RBSN: variants seen among roughly 807,000 people sequenced by gnomAD.
RBSN encodes rabenosyn-5.
A neutral mutation model predicts 60.5 loss-of-function variants in RBSN; 34 were observed. The ratio of observed to expected loss-of-function variants is 0.56; its 90% confidence interval spans 0.43 to 0.75. RBSN has a LOEUF of 0.75. Among genes scored for constraint, RBSN ranks in the 30% least tolerant of loss-of-function variants. RBSN has a pLI of 0.00. For synonymous variants in RBSN, 322 were observed against 366.9 expected (o/e 0.88, Z 1.40); for missense variants, 845 against 986.8 (o/e 0.86, Z 1.92).
At position 15,074,988 on chromosome 3, in the gene RBSN, C is replaced by A. The variant is rs570853784; in HGVS notation, c.1207-58G>T. On this transcript the variant is annotated intron_variant, in intron 13 of 13. Coordinates refer to ENST00000253699, the MANE Select transcript of RBSN (RefSeq NM_022340.4). This position sits in a 1 kb window ranked among gnomAD's most constrained non-coding sequence, Gnocchi z 6.4. ...GTCACTATGCTGGCAGCAGCCCACA[C>A]TGTCACCCACCCTCTGTTGTCCCTC... 6.5e-7 allele frequency: 1 copy of A among 1,533,682 alleles called. No homozygotes were observed. The highest frequency in any genetic ancestry group is 1.3e-5 in the South Asian group (1 of 79,802).
chr3:15,078,107 C>G lies in RBSN; in HGVS notation c.966G>C (p.Val322=), dbSNP rs1206779359. 6.2e-7 allele frequency: 1 copy of G among 1,614,152 alleles called. No individual in the cohort carries two copies. Among genetic ancestry groups the G allele is most frequent in the Admixed American group, 1.7e-5 (1 of 60,010 alleles). Residue 322 remains valine, a synonymous_variant, in exon 11 of 14, where the codon GTG becomes GTC. Coordinates refer to ENST00000253699, the MANE Select transcript of RBSN (RefSeq NM_022340.4). ...CGTCTATCAGCTCATACACTTTCTG[C>G]ACTTCCACTCGAAGGTCACTGGCAT... The part of the protein sequence containing the change: ...LEHASDLRVE[V]QKVYELIDAL...
intron 5 of RBSN, among the ~76,000 whole-genome samples, chr3:15,087,748 G>A (rs1388079297): frequency 1.3e-5 from 2 of 152,108 alleles, no homozygotes; most frequent in African/African-American, 4.8e-5. Flanking sequence ...AGCCTCCCAA[G>A]TAACTTGGAT....
In RBSN at chr3:15,080,730, A is replaced by G. The variant is rs1385428277; in HGVS notation, c.911+2T>C. The G allele has an allele frequency of 6.2e-7, 1 of 1,613,782 alleles. No individual in the cohort carries two copies. Among genetic ancestry groups the G allele is most frequent in the African/African-American group, 1.3e-5 (1 of 74,926 alleles). On this transcript the variant is annotated splice_donor_variant, in intron 10 of 13. Transcript: ENST00000253699. LOFTEE classifies it high-confidence loss of function. ...TTAGAAAAACATAGATGAATAGCTT[A>G]CTTTAATGATGCTGCCATCCTGATG...
intron 6 of RBSN, among the ~76,000 whole-genome samples, chr3:15,085,623 T>C (rs960400512): frequency 6.6e-6 from 1 of 152,190 alleles, no homozygotes; most frequent in Non-Finnish European, 1.5e-5. Context: ...GTGGGATTCA[T>C]AGGTGGGAAA....
At chr3:15,094,254 G>A (rs891714096) in intron 4 of RBSN, among the ~76,000 whole-genome samples, 1 of 152,184 alleles carries the variant, frequency 6.6e-6, no homozygotes, top group African/African-American at 2.4e-5. Flanking sequence ...AATGATGGAA[G>A]CTCTTCGGTT....
rs371273551 is a variant in RBSN at position 15,082,352 on chromosome 3, G to A, written c.840+15C>T. On this transcript the variant is annotated intron_variant, in intron 9 of 13. Coordinates refer to ENST00000253699, the MANE Select transcript of RBSN (RefSeq NM_022340.4). The surrounding 1 kb of genome is among the most constrained non-coding windows in gnomAD (Gnocchi z 4.2). The stretch of plus-strand genomic sequence containing the variant: ...GCCTAAGAAATTAGACCCAAGACCA[G>A]ACAGCGCGAATCACCTCGTAGAGCT... The A allele has an allele frequency of 7.5e-6, 12 of 1,603,424 alleles. No homozygotes were observed. The African/African-American group carries it at 9.4e-5, about 13-fold the overall frequency.
At chr3:15,081,860 G>A (rs2125164809) in intron 9 of RBSN, among the ~76,000 whole-genome samples, 1 of 152,300 alleles carries the variant, frequency 6.6e-6, no homozygotes, top group African/African-American at 2.4e-5. Flanking sequence ...TATGCATCTA[G>A]TAGGGGGGCT....
At chr3:15,083,096 A>G (rs533505769) in intron 8 of RBSN, among the ~76,000 whole-genome samples, 2 of 152,288 alleles carry the variant, frequency 1.3e-5, no homozygotes, top group East Asian at 3.9e-4. Context: ...CTAGGAACCT[A>G]TGACTCTTTG....
In RBSN at chr3:15,084,741, A is replaced by G. The variant is rs1327109540; in HGVS notation, c.592T>C (p.Leu198=). Residue 198 remains leucine, a synonymous_variant, in exon 8 of 14, where the codon TTG becomes CTG. Transcript: ENST00000253699. This position sits in a 1 kb window ranked among gnomAD's most constrained non-coding sequence, Gnocchi z 4.2. ...KKCMELISLP[L]ANKLTSASKE... ...CCACCTCCAAGTCACCTACTTGCCA[A>G]GGGAAGGCTGATGAGCTCCATACAC... The G allele has an allele frequency of 6.3e-7, 1 of 1,591,252 alleles. No individual in the cohort carries two copies. Among genetic ancestry groups the G allele is most frequent in the Non-Finnish European group, 8.5e-7 (1 of 1,169,688 alleles).
At chr3:15,076,912 C>CT (rs1281115789) in intron 12 of RBSN, 150 bp downstream of exon 12, 12 of 613,706 alleles carry the variant, frequency 2.0e-5, no homozygotes, top group Non-Finnish European at 2.8e-6. Context: ...AGATTTTTCT[C>CT]TAAGTGTGGC....
chr3:15,076,970 T>C (rs1559341362), intron 12 of RBSN, 92 bp downstream of exon 12: 1 of 1,021,070 alleles, frequency 9.8e-7, no homozygotes, highest in African/African-American at 1.6e-5. Flanking sequence ...AAATAGGAAG[T>C]AAACAAGTCA....
Sources: allele counts gnomAD v4.1 joint callset (sites outside exome capture counted in the v4.1 genomes callset), GRCh38; gene constraint gnomAD v4.1.1; non-coding constraint Gnocchi (gnomAD v3.1); transcripts MANE v1.5; gene names NCBI Gene and HGNC (gene_info 2026-07-23, HGNC 2026-07-21).